CNBD1: variants seen among roughly 807,000 people sequenced by gnomAD.
The protein encoded by CNBD1 is cyclic nucleotide-binding domain-containing protein 1.
CNBD1 carries 71 observed loss-of-function variants against 54.4 expected under a neutral mutation model. That is an observed-to-expected ratio of 1.30 (90% confidence interval 1.08 to 1.59). The LOEUF is 1.59. CNBD1 is among the 40% of genes most tolerant of loss of function. The pLI, the probability that CNBD1 is intolerant of heterozygous loss-of-function variation, is 0.00. For synonymous variants in CNBD1, 182 were observed against 170.7 expected (o/e 1.07, Z -0.51); for missense variants, 659 against 518.0 (o/e 1.27, Z -2.64).
chr8:87,386,121 A>T (rs1402940175), downstream of CNBD1, among the ~76,000 whole-genome samples: 1 of 152,208 alleles, frequency 6.6e-6, no homozygotes, highest in East Asian at 1.9e-4. Flanking sequence ...GTGCATCACC[A>T]TCATCAAAGA....
intron 6 of CNBD1, among the ~76,000 whole-genome samples, chr8:87,251,874 A>G (rs1040913319): frequency 1.1e-4 from 17 of 152,074 alleles, no homozygotes; most frequent in Admixed American, 2.0e-4. Context: ...AAAAAAATAC[A>G]TGTATACTTC....
intron 2 of CNBD1, among the ~76,000 whole-genome samples, chr8:87,396,882 GT>G (rs1270552774): frequency 4.4e-5 from 5 of 114,574 alleles, no homozygotes; most frequent in Non-Finnish European, 9.0e-5. Flanking sequence ...ATGTGTTATA[GT>G]TTGTTTTCTT....
chr8:87,207,858 C>G (rs779397660), intron 5 of CNBD1, among the ~76,000 whole-genome samples: 12 of 152,104 alleles, frequency 7.9e-5, no homozygotes, highest in Non-Finnish European at 1.5e-4. Context: ...TTAGGAGACT[C>G]TGTGTTTACA....
intron 4 of CNBD1, among the ~76,000 whole-genome samples, chr8:87,173,238 G>A (rs1293538037): frequency 6.6e-6 from 1 of 152,056 alleles, no homozygotes; most frequent in East Asian, 1.9e-4. Context: ...TCATTGTAAT[G>A]TCTATGTCTT....
chr8:87,335,183 C>A (rs906735037), intron 8 of CNBD1, among the ~76,000 whole-genome samples: 2 of 152,040 alleles, frequency 1.3e-5, no homozygotes, highest in South Asian at 2.1e-4. Context: ...ATATTCTGTT[C>A]TTTTGTGATG....
At chr8:86,905,821 A>G (rs1288397261) in intron 3 of CNBD1, among the ~76,000 whole-genome samples, 1 of 152,172 alleles carries the variant, frequency 6.6e-6, no homozygotes, top group Non-Finnish European at 1.5e-5. Flanking sequence ...TAAGTGTCTT[A>G]TATCAGTGCA....
intron 4 of CNBD1, among the ~76,000 whole-genome samples, chr8:87,189,254 C>T (rs1373225208): frequency 1.3e-5 from 2 of 151,986 alleles, no homozygotes; most frequent in East Asian, 1.9e-4. Flanking sequence ...TCTTATGAAC[C>T]GAGTTTGTGA....
intron 4 of CNBD1, among the ~76,000 whole-genome samples, chr8:87,165,244 T>C (rs1007269595): frequency 6.6e-6 from 1 of 151,974 alleles, no homozygotes; most frequent in African/African-American, 2.4e-5. Context: ...TGCTATTAAA[T>C]GGAATGTTCT....
chr8:86,874,995 TATATATATA>T (rs1808494454), intron 1 of CNBD1, among the ~76,000 whole-genome samples: 1 of 33,190 alleles, frequency 3.0e-5, no homozygotes, highest in Admixed American at 3.6e-4. Context: ...TTTATATATA[TATATATATA>T]TATATATATA....
In CNBD1 at chr8:86,988,265, C is replaced by G. The variant is rs115034803; in HGVS notation, c.431+48511C>G. On this transcript the variant is annotated intron_variant, in intron 4 of 10. Coordinates refer to ENST00000518476, the MANE Select transcript of CNBD1 (RefSeq NM_173538.3). ...TATGTTTCCAGGAACTTATCTATTT[C>G]CACTAGGTTTTCTAATTTGCGTGCA... Among the ~76,000 whole-genome samples the G allele has an allele frequency of 5.7e-3, 866 of 151,670 alleles. 15 individuals are homozygous for G. The highest frequency in any genetic ancestry group is 0.02 in the African/African-American group (823 of 41,380).
chr8:87,241,268 A>ATTTTTTTTTTTTTTTTTTTTT lies in CNBD1; in HGVS notation c.771+4159_771+4179dup, dbSNP rs34829455. Among the ~76,000 whole-genome samples, 8 of 93,856 alleles carry ATTTTTTTTTTTTTTTTTTTTT rather than the reference A, an allele frequency of 8.5e-5. 1 individual carries two copies. Among genetic ancestry groups the ATTTTTTTTTTTTTTTTTTTTT allele is most frequent in the African/African-American group, 3.9e-4 (8 of 20,508 alleles). The allele number at this position is 93,856 out of a possible 152,430, so 61.6% of individuals were successfully genotyped here. A position where few individuals can be genotyped will look rare whatever the true frequency, so the allele number is the denominator to read the frequency against. On this transcript the variant is annotated intron_variant, in intron 6 of 10. Coordinates refer to ENST00000518476, the MANE Select transcript of CNBD1 (RefSeq NM_173538.3). The stretch of plus-strand genomic sequence containing the variant: ...GGGCACAAAAATCTGTATTTGGAAG[A>ATTTTTTTTTTTTTTTTTTTTT]TTTTTTTTTTTTTTTTTTTTTTTGA...
At chr8:87,363,132 C>T (rs1398692383) in intron 10 of CNBD1, among the ~76,000 whole-genome samples, 1 of 152,060 alleles carries the variant, frequency 6.6e-6, no homozygotes, top group Non-Finnish European at 1.5e-5. Context: ...TGTTAGTTTG[C>T]TGAAAATGAT....
intron 4 of CNBD1, among the ~76,000 whole-genome samples, chr8:86,957,744 C>G (rs1218639402): frequency 6.6e-6 from 1 of 152,000 alleles, no homozygotes; most frequent in Non-Finnish European, 1.5e-5. Flanking sequence ...GTTTTTCTAG[C>G]AGTCTATCAA....
chr8:87,398,541 T>C (rs1811447842), intron 2 of CNBD1, among the ~76,000 whole-genome samples: 1 of 152,016 alleles, frequency 6.6e-6, no homozygotes, highest in African/African-American at 2.4e-5. Flanking sequence ...CAAATGCTTT[T>C]CAGCATATTT....
chr8:86,941,740 T>A (rs1222382425), intron 4 of CNBD1, among the ~76,000 whole-genome samples: 1 of 152,128 alleles, frequency 6.6e-6, no homozygotes, highest in Non-Finnish European at 1.5e-5. Flanking sequence ...GCAGGAGCCA[T>A]GGTAGAAGGT....
At chr8:87,385,192 G>A (rs1448387309), downstream of CNBD1, among the ~76,000 whole-genome samples, 1 of 152,168 alleles carries the variant, frequency 6.6e-6, no homozygotes, top group Non-Finnish European at 1.5e-5. Context: ...CCCAGCTTGA[G>A]TAACGCAGAA....
At chr8:86,914,906 A>G (rs1489293867) in intron 3 of CNBD1, among the ~76,000 whole-genome samples, 1 of 152,224 alleles carries the variant, frequency 6.6e-6, no homozygotes, top group Non-Finnish European at 1.5e-5. Flanking sequence ...TCTAGCATAG[A>G]AAAAAGATTG....
At chr8:87,428,342 TA>T (rs1228411303) in intron 2 of CNBD1, among the ~76,000 whole-genome samples, 1 of 152,118 alleles carries the variant, frequency 6.6e-6, no homozygotes, top group Non-Finnish European at 1.5e-5. Flanking sequence ...TTGTGTAAAT[TA>T]GGCTAAATTA....
chr8:87,278,413 TAAAAGTC>T (rs1158817726), intron 6 of CNBD1, among the ~76,000 whole-genome samples: 1 of 151,484 alleles, frequency 6.6e-6, no homozygotes, highest in African/African-American at 2.4e-5. Flanking sequence ...CAAAGGTAGT[TAAAAGTC>T]AAAGTAGACA....
Sources: allele counts gnomAD v4.1 joint callset (sites outside exome capture counted in the v4.1 genomes callset), GRCh38; gene constraint gnomAD v4.1.1; transcripts MANE v1.5; gene names NCBI Gene and HGNC (gene_info 2026-07-23, HGNC 2026-07-21).